ZNF207: variants seen among roughly 807,000 people sequenced by gnomAD.
ZNF207 encodes BUB3-interacting and GLEBS motif-containing protein ZNF207.
A neutral mutation model predicts 60.2 loss-of-function variants in ZNF207; 24 were observed. The observed-to-expected ratio is 0.40, with a 90% CI of 0.29 to 0.56. The LOEUF is 0.56. ZNF207 is among the 20% of genes least tolerant of loss of function. The pLI, the probability that ZNF207 is intolerant of heterozygous loss-of-function variation, is 0.49. For synonymous variants in ZNF207, 236 were observed against 194.7 expected (o/e 1.21, Z -1.77); for missense variants, 452 against 636.6 (o/e 0.71, Z 3.12).
Position 32,371,082 on chromosome 17 carries a change from T to A in ZNF207, c.*1323T>A, listed in dbSNP as rs1321511686. On this transcript the variant is annotated 3_prime_UTR_variant, in exon 12 of 12. Coordinates refer to ENST00000394670, the MANE Select transcript of ZNF207 (RefSeq NM_001098507.2). ...ATGACTGCTATTCAATATTTTGTGT[T>A]GCAACCTCTTAAAATAATAGCTCTT... The A allele has an allele frequency of 6.6e-6, 1 of 152,236 alleles. No individual in the cohort carries two copies. Among genetic ancestry groups the A allele is most frequent in the African/African-American group, 2.4e-5 (1 of 41,450 alleles). 9.4% of individuals were successfully genotyped at this position (152,236 alleles called of 1,614,324 possible). A position where few individuals can be genotyped will look rare whatever the true frequency, so the allele number is the denominator to read the frequency against.
In ZNF207 at chr17:32,358,496, T is replaced by A; in HGVS notation, c.169-7T>A. ...GACTTTTATCTAATGGAAATTGTTG[T>A]TGTTAGGTACATAAAGAAACAATAG... On this transcript the variant is annotated splice_region_variant and splice_polypyrimidine_tract_variant and intron_variant, in intron 2 of 11. Transcript: ENST00000394670. 6.5e-7 allele frequency: 1 copy of A among 1,538,630 alleles called. No homozygotes were observed. The highest frequency in any genetic ancestry group is 8.7e-7 in the Non-Finnish European group (1 of 1,154,480).
chr17:32,369,241 C>T, intron 10 of ZNF207, 54 bp from the exon 11 acceptor site: 1 of 1,582,018 alleles, frequency 6.3e-7, no homozygotes, highest in Non-Finnish European at 8.6e-7. Context: ...TGCCTTTATG[C>T]TTGGTGAGCC....
rs1286977063 is a variant in ZNF207 at position 32,378,519 on chromosome 17, C to CGT, written c.*8760_*8761insGT. ...TCTATTTTTGTTCTTTTTTTGTAAACTATAACGTATCCCGTTGGTGTACCA... is the reference window on the plus strand; with the variant it reads ...TCTATTTTTGTTCTTTTTTTGTAAACGTTATAACGTATCCCGTTGGTGTACCA... On this transcript the variant is annotated 3_prime_UTR_variant, in exon 12 of 12. Coordinates refer to ENST00000394670, the MANE Select transcript of ZNF207 (RefSeq NM_001098507.2). The CGT allele has an allele frequency of 3.3e-5, 5 of 151,862 alleles. No homozygotes were observed. In the East Asian group the frequency reaches 9.6e-4, roughly 29 times the overall value. 9.4% of individuals were successfully genotyped at this position (151,862 alleles called of 1,614,324 possible). A position where few individuals can be genotyped will look rare whatever the true frequency, so the allele number is the denominator to read the frequency against.
rs2041504671 is a variant in ZNF207 at position 32,351,385 on chromosome 17, C to T, written c.42-401C>T. On this transcript the variant is annotated intron_variant, in intron 1 of 11. Transcript: ENST00000394670. ...TGCTAAATTCCTAATCCAGTTATTG[C>T]TATCGTCTTCATATCTAGTGAAGTA... is the stretch of plus-strand genomic sequence containing the variant. 1.5e-5 allele frequency: 17 copies of T among 1,097,594 alleles called. No individual in the cohort carries two copies. The South Asian group carries it at 2.8e-4, about 18-fold the overall frequency. 68.0% of individuals were successfully genotyped at this position (1,097,594 alleles called of 1,614,324 possible).
rs554050554 is a variant in ZNF207, at chr17:32,355,627, C to T, written c.169-2876C>T. 1.8e-4 allele frequency among the ~76,000 whole-genome samples: 28 copies of T among 152,246 alleles called. 1 individual carries two copies. In the South Asian group the frequency reaches 5.2e-3, roughly 28 times the overall value. On this transcript the variant is annotated intron_variant, in intron 2 of 11. Coordinates refer to ENST00000394670, the MANE Select transcript of ZNF207 (RefSeq NM_001098507.2). ...ATGTAAGGGTGGCTAGTTTAAGCCG[C>T]GCTACCAGATGTCCTTTGTAAGGAC...
At position 32,360,902 on chromosome 17, in the gene ZNF207, A is replaced by G. The variant is rs1904843938; in HGVS notation, c.486A>G (p.Pro162=). The G allele has an allele frequency of 6.2e-7, 1 of 1,614,132 alleles. No individual in the cohort carries two copies. Among genetic ancestry groups the G allele is most frequent in the Non-Finnish European group, 8.5e-7 (1 of 1,180,022 alleles). The change falls in exon 5 of 12, where the codon CCA becomes CCG. Residue 162 remains proline (P), a synonymous_variant. Coordinates refer to ENST00000394670, the MANE Select transcript of ZNF207 (RefSeq NM_001098507.2). ...AATTCTTGCTTGTAGGCATACCTCC[A>G]TTAATGCCAGGTGTTCCTCCTCTGA... ...GAPGMPPGIP[P]LMPGVPPLMP...
chr17:32,369,488 G>A (rs1356184353), intron 11 of ZNF207, 34 bp downstream of exon 11: 2 of 1,608,032 alleles, frequency 1.2e-6, no homozygotes, highest in Non-Finnish European at 1.7e-6. Flanking sequence ...ATATTTAGTG[G>A]ATTTTCTAAG....
At chr17:32,366,438 A>G (rs896772560) in intron 8 of ZNF207, among the ~76,000 whole-genome samples, 4 of 152,222 alleles carry the variant, frequency 2.6e-5, no homozygotes, top group African/African-American at 9.7e-5. Context: ...TTTAGAAAAG[A>G]AACTAGTTAA....
chr17:32,358,959 C>T lies in ZNF207; in HGVS notation c.307+318C>T, dbSNP rs546978825. Among the ~76,000 whole-genome samples the T allele has an allele frequency of 2.6e-5, 4 of 152,032 alleles. No homozygotes were observed. The East Asian group carries it at 7.7e-4, about 29-fold the overall frequency. The stretch of plus-strand genomic sequence containing the variant: ...GCACTACAGGCATGCACTACCACGC[C>T]CGGCTAGTTTTTGTGTTTTTAGTAG... On this transcript the variant is annotated intron_variant, in intron 3 of 11. Coordinates refer to ENST00000394670, the MANE Select transcript of ZNF207 (RefSeq NM_001098507.2).
Position 32,380,460 on chromosome 17 carries a change from T to G in ZNF207, c.*10701T>G, listed in dbSNP as rs1219641077. 6.6e-6 allele frequency: 1 copy of G among 152,202 alleles called. No homozygotes were observed. Among genetic ancestry groups the G allele is most frequent in the Admixed American group, 6.5e-5 (1 of 15,288 alleles). The allele number at this position is 152,202 out of a possible 1,614,324, so 9.4% of individuals were successfully genotyped here. A position where few individuals can be genotyped will look rare whatever the true frequency, so the allele number is the denominator to read the frequency against. The stretch of plus-strand genomic sequence containing the variant: ...TTTTTGCAGGGTAGAAATAAGTGGC[T>G]GTTAAAGAAAATATCTTCAAGAAGG... On this transcript the variant is annotated 3_prime_UTR_variant, in exon 12 of 12. Transcript: ENST00000394670.
Position 32,354,966 on chromosome 17 carries a change from A to C in ZNF207, c.168+3054A>C, listed in dbSNP as rs1370591334. ...GGCTGCAGGGTTGAAAGTAAAGTGCAGAGTACGGTGAGACCACTTTAGAAG... is the reference window on the plus strand; with the variant it reads ...GGCTGCAGGGTTGAAAGTAAAGTGCCGAGTACGGTGAGACCACTTTAGAAG... On this transcript the variant is annotated intron_variant, in intron 2 of 11. Transcript: ENST00000394670. Among the ~76,000 whole-genome samples, 3 of 152,216 alleles carry C rather than the reference A, an allele frequency of 2.0e-5. No homozygotes were observed. In the East Asian group the frequency reaches 5.8e-4, roughly 29 times the overall value.
intron 2 of ZNF207, among the ~76,000 whole-genome samples, chr17:32,357,962 G>A (rs148302417): frequency 6.6e-6 from 1 of 151,978 alleles, no homozygotes; most frequent in African/African-American, 2.4e-5. Flanking sequence ...TGTATTTTTA[G>A]TCGGGACAGG....
At chr17:32,357,760 C>G (rs772461425) in intron 2 of ZNF207, among the ~76,000 whole-genome samples, 2 of 151,914 alleles carry the variant, frequency 1.3e-5, no homozygotes, top group Non-Finnish European at 2.9e-5. Context: ...CTCAGCCTGT[C>G]GAGTGACTGG....
Position 32,372,199 on chromosome 17 carries a change from C to T in ZNF207, c.*2440C>T, listed in dbSNP as rs1905498748. On this transcript the variant is annotated 3_prime_UTR_variant, in exon 12 of 12. Transcript: ENST00000394670. ...CCTGTAGTCCCAACTACTCTGGAGACCGAGGCAGGAGAATGGCGTGAACCC... is the reference window on the plus strand; with the variant it reads ...CCTGTAGTCCCAACTACTCTGGAGATCGAGGCAGGAGAATGGCGTGAACCC... 6.6e-6 allele frequency: 1 copy of T among 152,184 alleles called. No individual in the cohort carries two copies. Among genetic ancestry groups the T allele is most frequent in the Admixed American group, 6.6e-5 (1 of 15,260 alleles). The allele number at this position is 152,184 out of a possible 1,614,324, so 9.4% of individuals were successfully genotyped here.
In ZNF207 at chr17:32,373,423, T is replaced by C; in HGVS notation, c.*3664T>C. On this transcript the variant is annotated 3_prime_UTR_variant, in exon 12 of 12. Transcript: ENST00000394670. ...GCCCTGCCATAGGACAGGCTGAGGC[T>C]GAGTCTCAGTGTTGCCCTGTTCAGT... 1.4e-6 allele frequency: 1 copy of C among 691,256 alleles called. No individual in the cohort carries two copies. Among genetic ancestry groups the C allele is most frequent in the East Asian group, 2.7e-5 (1 of 37,152 alleles). The allele number at this position is 691,256 out of a possible 1,614,324, so 42.8% of individuals were successfully genotyped here. A position where few individuals can be genotyped will look rare whatever the true frequency, so the allele number is the denominator to read the frequency against.
At position 32,381,239 on chromosome 17, in the gene ZNF207, A is replaced by T. The variant is rs1051065112; in HGVS notation, c.*11480A>T. ...CGGTCTTCACTTTTACTGGCAAGGG[A>T]TTATGTGAAGAGTAAGTCATACAAG... On this transcript the variant is annotated 3_prime_UTR_variant, in exon 12 of 12. Coordinates refer to ENST00000394670, the MANE Select transcript of ZNF207 (RefSeq NM_001098507.2). 6.6e-6 allele frequency: 1 copy of T among 152,184 alleles called. No individual in the cohort carries two copies. Among genetic ancestry groups the T allele is most frequent in the South Asian group, 2.1e-4 (1 of 4,832 alleles). 9.4% of individuals were successfully genotyped at this position (152,184 alleles called of 1,614,324 possible).
Position 32,350,200 on chromosome 17 carries a change from C to T in ZNF207, c.-86C>T, listed in dbSNP as rs1400313317. The stretch of plus-strand genomic sequence containing the variant: ...GCTTCCTGTGGGACGTGGTGGTAGC[C>T]GTTGGGTTGGGAAAGTGAGGGATTT... On this transcript the variant is annotated 5_prime_UTR_variant, in exon 1 of 12. Coordinates refer to ENST00000394670, the MANE Select transcript of ZNF207 (RefSeq NM_001098507.2). 4.4e-6 allele frequency: 7 copies of T among 1,584,500 alleles called. No individual in the cohort carries two copies. Among genetic ancestry groups the T allele is most frequent in the Admixed American group, 1.7e-5 (1 of 59,788 alleles).
In ZNF207 at chr17:32,366,610, A is replaced by G. The variant is rs990917788; in HGVS notation, c.829-55A>G. On this transcript the variant is annotated intron_variant, in intron 8 of 11. Coordinates refer to ENST00000394670, the MANE Select transcript of ZNF207 (RefSeq NM_001098507.2). ...TACTAAAAAGTCTACCACATGGCTT[A>G]TTTTGACCCATTTGTTTGGAGACTT... The G allele has an allele frequency of 6.0e-6, 9 of 1,493,928 alleles. No homozygotes were observed. The Admixed American group carries it at 8.5e-5, about 14-fold the overall frequency. The allele number at this position is 1,493,928 out of a possible 1,614,324, so 92.5% of individuals were successfully genotyped here. A position where few individuals can be genotyped will look rare whatever the true frequency, so the allele number is the denominator to read the frequency against.
In ZNF207 at chr17:32,366,588, T is replaced by TA. The variant is rs1246742031; in HGVS notation, c.829-72dup. On this transcript the variant is annotated intron_variant, in intron 8 of 11. Coordinates refer to ENST00000394670, the MANE Select transcript of ZNF207 (RefSeq NM_001098507.2). ...TTGCATTTACAAATATGCAATCTAC[T>TA]AAAAAGTCTACCACATGGCTTATTT... The TA allele has an allele frequency of 2.4e-6, 3 of 1,240,798 alleles. No homozygotes were observed. In the African/African-American group the frequency reaches 4.7e-5, roughly 19 times the overall value. 76.9% of individuals were successfully genotyped at this position (1,240,798 alleles called of 1,614,324 possible).
Sources: allele counts gnomAD v4.1 joint callset (sites outside exome capture counted in the v4.1 genomes callset), GRCh38; gene constraint gnomAD v4.1.1; transcripts MANE v1.5; gene names NCBI Gene and HGNC (gene_info 2026-07-23, HGNC 2026-07-21).